The following CACNA1D variants were observed in gnomAD, a reference collection of about 807,000 sequenced individuals.
CACNA1D encodes the protein calcium voltage-gated channel subunit alpha1 D, also known as voltage-dependent L-type calcium channel subunit alpha-1D.
A neutral mutation model predicts 257.1 loss-of-function variants in CACNA1D; 55 were observed. The ratio of observed to expected loss-of-function variants is 0.21; its 90% confidence interval spans 0.17 to 0.27. CACNA1D has a LOEUF of 0.27. Ranked by LOEUF, CACNA1D falls within the 10% of genes least tolerant of loss-of-function variation. The pLI is 1.00. For synonymous variants in CACNA1D, 980 were observed against 1,014.9 expected (o/e 0.97, Z 0.65); for missense variants, 1,876 against 2,784.0 (o/e 0.67, Z 7.34).
At chr3:53,512,862 C>T (rs149560521) in intron 3 of CACNA1D, among the ~76,000 whole-genome samples, 5 of 152,300 alleles carry the variant, frequency 3.3e-5, no homozygotes, top group African/African-American at 4.8e-5. Context: ...ATACATCTTC[C>T]GAAAGATAGT....
intron 3 of CACNA1D, among the ~76,000 whole-genome samples, chr3:53,518,068 ACCTGAGG>A (rs1346534731): frequency 1.3e-5 from 2 of 152,218 alleles, no homozygotes; most frequent in Non-Finnish European, 2.9e-5. Flanking sequence ...CTGGGTAGCC[ACCTGAGG>A]CTGGAGTTCT....
At position 53,722,303 on chromosome 3, in the gene CACNA1D, T is replaced by C. The variant is rs1325439690; in HGVS notation, c.1506-11T>C. On this transcript the variant is annotated splice_polypyrimidine_tract_variant and intron_variant, in intron 11 of 47. Coordinates refer to ENST00000350061, the MANE Select transcript of CACNA1D (RefSeq NM_001128840.3). ...CTGTCATCTACGTAGTAATGTTTGC[T>C]TGTCTTTTAGCCGACGCTGGCGTCG... is the stretch of plus-strand genomic sequence containing the variant. 1 of 1,613,894 alleles carries C rather than the reference T, an allele frequency of 6.2e-7. No homozygotes were observed. The highest frequency in any genetic ancestry group is 1.3e-5 in the African/African-American group (1 of 74,932).
Position 53,702,814 on chromosome 3 carries a change from T to C in CACNA1D, c.1390+4T>C, listed in dbSNP as rs1239722452. 6.2e-7 allele frequency: 1 copy of C among 1,614,126 alleles called. No homozygotes were observed. Among genetic ancestry groups the C allele is most frequent in the Non-Finnish European group, 8.5e-7 (1 of 1,180,024 alleles). On this transcript the variant is annotated splice_donor_region_variant and intron_variant, in intron 9 of 47. Transcript: ENST00000350061. The stretch of plus-strand genomic sequence containing the variant: ...GGAGAGGAAGGCAAACGAAATAGTA[T>C]GTAGCGCCTTTCCTGCCCCTGGCTA...
At chr3:53,694,845 G>A (rs2094559450) in intron 8 of CACNA1D, among the ~76,000 whole-genome samples, 1 of 152,098 alleles carries the variant, frequency 6.6e-6, no homozygotes, top group Non-Finnish European at 1.5e-5. Context: ...CCTGGGCGAT[G>A]CAGTCACAGG....
chr3:53,522,036 T>G (rs554610242), intron 3 of CACNA1D, among the ~76,000 whole-genome samples: 3 of 151,586 alleles, frequency 2.0e-5, no homozygotes, highest in Admixed American at 1.3e-4. Context: ...CCCAGGAGGC[T>G]GAGGTAGGAG....
intron 3 of CACNA1D, among the ~76,000 whole-genome samples, chr3:53,640,146 G>A (rs2093934422): frequency 1.3e-5 from 2 of 152,170 alleles, no homozygotes; most frequent in Admixed American, 6.5e-5. Flanking sequence ...ACAGCCGTGA[G>A]CCACTGTGCC....
chr3:53,501,585 A>T (rs773439379), intron 2 of CACNA1D, 30 bp from the exon 3 acceptor site: 1 of 1,133,146 alleles, frequency 8.8e-7, no homozygotes. Context: ...TGTTTCCATA[A>T]CACATATATA....
rs779207160 is a variant in CACNA1D at position 53,651,366 on chromosome 3, C to CTTTTTTTTTTTTTTTT, written c.623+455_623+470dup. ...TCCCTTGAGCAAAGCTATTAATTTT[C>CTTTTTTTTTTTTTTTT]TTTTTTTTTTTTTTTTTTTTTTGCT... On this transcript the variant is annotated intron_variant, in intron 4 of 47. Transcript: ENST00000350061. Among the ~76,000 whole-genome samples the CTTTTTTTTTTTTTTTT allele has an allele frequency of 2.2e-3, 177 of 81,838 alleles. 15 individuals carry two copies. The highest frequency in any genetic ancestry group is 2.8e-3 in the East Asian group (7 of 2,536). The allele number at this position is 81,838 out of a possible 152,430, so 53.7% of individuals were successfully genotyped here. A position where few individuals can be genotyped will look rare whatever the true frequency, so the allele number is the denominator to read the frequency against.
At chr3:53,781,528 A>G (rs758705381) in intron 38 of CACNA1D, 38 bp from the exon 39 acceptor site, 2 of 1,390,752 alleles carry the variant, frequency 1.4e-6, no homozygotes, top group African/African-American at 2.8e-5. Flanking sequence ...GGGAACAGAA[A>G]TGAGGCTTGC....
rs1026106317 is a variant in CACNA1D, at chr3:53,495,454, C to T, written c.67+221C>T. On this transcript the variant is annotated intron_variant, in intron 1 of 47. Transcript: ENST00000350061. This position sits in a 1 kb window ranked among gnomAD's most constrained non-coding sequence, Gnocchi z 5.1. ...TAATTCTGCATTTGTGGGGTGGGGG[C>T]GGCCGTGGAGTGTGTGGAGCGCGGT... Among the ~76,000 whole-genome samples the T allele has an allele frequency of 9.9e-5, 15 of 152,042 alleles. No individual in the cohort carries two copies. The highest frequency in any genetic ancestry group is 5.2e-4 in the Admixed American group (8 of 15,266).
intron 3 of CACNA1D, among the ~76,000 whole-genome samples, chr3:53,561,740 C>A (rs1019177928): frequency 1.3e-5 from 2 of 152,080 alleles, no homozygotes; most frequent in African/African-American, 4.8e-5. Context: ...TGGTATAAGT[C>A]GGTGATAAAT....
At chr3:53,558,789 T>G (rs576042596) in intron 3 of CACNA1D, among the ~76,000 whole-genome samples, 1 of 152,296 alleles carries the variant, frequency 6.6e-6, no homozygotes, top group East Asian at 1.9e-4. Flanking sequence ...TTTTCAAGAT[T>G]TTTTTCATTG....
intron 9 of CACNA1D, among the ~76,000 whole-genome samples, chr3:53,708,619 C>T (rs73842092): frequency 0.024 from 3,714 of 152,330 alleles, 160 homozygotes; most frequent in African/African-American, 0.085. Flanking sequence ...ACTGTTGCCC[C>T]ACTGTGGAGA....
rs1441088317 is a variant in CACNA1D at position 53,743,025 on chromosome 3, A to G, written c.2826A>G (p.Gly942=). The G allele has an allele frequency of 6.2e-7, 1 of 1,611,748 alleles. No homozygotes were observed. ...TCTGCTTCTAGATGACAACTTTTGG[A>G]GCTTTCCTCCACAAAGGGGCCTTCT... is the stretch of plus-strand genomic sequence containing the variant. ...VEILLKMTTF[G]AFLHKGAFCR... is the part of the protein sequence containing the mutation. Residue 942 remains glycine, a synonymous_variant, in exon 22 of 48, where the codon GGA becomes GGG. Transcript: ENST00000350061.
chr3:53,589,357 T>G (rs941722072), intron 3 of CACNA1D, among the ~76,000 whole-genome samples: 2 of 152,118 alleles, frequency 1.3e-5, no homozygotes, highest in Non-Finnish European at 2.9e-5. Flanking sequence ...GGGGTGTTCA[T>G]GTTCTGTGAG....
chr3:53,691,161 TTGG>T (rs2094515605), intron 8 of CACNA1D, among the ~76,000 whole-genome samples: 1 of 147,268 alleles, frequency 6.8e-6, no homozygotes, highest in African/African-American at 2.6e-5. Flanking sequence ...TTTTTTTTTT[TTGG>T]GGGGGAGATG....
intron 9 of CACNA1D, among the ~76,000 whole-genome samples, chr3:53,713,181 G>C (rs1367322752): frequency 6.6e-6 from 1 of 152,208 alleles, no homozygotes; most frequent in Non-Finnish European, 1.5e-5. Context: ...CCTGGTTGTT[G>C]GTAGTAAAAC....
chr3:53,555,540 A>C (rs1407878623), intron 3 of CACNA1D, among the ~76,000 whole-genome samples: 2 of 147,462 alleles, frequency 1.4e-5, no homozygotes, highest in East Asian at 4.0e-4. Flanking sequence ...TATAAAAGAG[A>C]GATCTAGGAC....
At chr3:53,582,089 CTG>C (rs1232101591) in intron 3 of CACNA1D, among the ~76,000 whole-genome samples, 2 of 152,050 alleles carry the variant, frequency 1.3e-5, no homozygotes. Context: ...GTATATTCTC[CTG>C]TGTTTTTGTT....
Sources: gnomAD v4.1 joint callset for allele counts (sites outside exome capture counted in the v4.1 genomes callset) on GRCh38, gnomAD v4.1.1 for gene constraint, Gnocchi (gnomAD v3.1) non-coding constraint, MANE v1.5 for transcripts, NCBI Gene and HGNC (gene_info 2026-07-23, HGNC 2026-07-21) for gene names.